TRAPPC10: variants seen among roughly 807,000 people sequenced by gnomAD.
TRAPPC10 encodes the protein TRAPP 130 kDa subunit.
Under a neutral mutation model 125.5 loss-of-function variants are expected in TRAPPC10, and 23 were observed. The ratio of observed to expected loss-of-function variants is 0.18; its 90% CI spans 0.13 to 0.26. The LOEUF (loss-of-function observed/expected upper bound fraction) is 0.26. TRAPPC10 is among the 10% of genes least tolerant of loss of function. The probability of loss-of-function intolerance (pLI) is 1.00; values close to 1 mark genes in which losing one functional copy is unlikely to be tolerated. For synonymous variants in TRAPPC10, 509 were observed against 518.0 expected (o/e 0.98, Z 0.24); for missense variants, 1,123 against 1,308.4 (o/e 0.86, Z 2.19).
intron 7 of TRAPPC10, among the ~76,000 whole-genome samples, chr21:44,069,135 CTTTATGG>C (rs956667241): frequency 6.6e-6 from 1 of 152,130 alleles, no homozygotes; most frequent in African/African-American, 2.4e-5. Flanking sequence ...GACATGAAAC[CTTTATGG>C]TTATGCACCA....
At chr21:44,048,939 T>C (rs1474806756) in intron 3 of TRAPPC10, among the ~76,000 whole-genome samples, 1 of 152,094 alleles carries the variant, frequency 6.6e-6, no homozygotes, top group African/African-American at 2.4e-5. Flanking sequence ...GTATTAATAA[T>C]TAATATCATT....
rs754466910 is a variant in TRAPPC10, at chr21:44,076,645, G to A, written c.1377+17G>A. 6.3e-6 allele frequency: 10 copies of A among 1,578,834 alleles called. No homozygotes were observed. The South Asian group carries it at 8.9e-5, about 14-fold the overall frequency. On this transcript the variant is annotated intron_variant, in intron 10 of 22. Transcript: ENST00000291574. ...CACTACTTAGTAAGTATTAACAAGT[G>A]TTCAATGTCTGTTCTGTGAATACCT... is the stretch of plus-strand genomic sequence containing the variant.
At chr21:44,089,073 T>C (rs60373018) in intron 17 of TRAPPC10, 1 of 211,042 alleles carries the variant, frequency 4.7e-6, no homozygotes, top group East Asian at 1.6e-4. Context: ...CGTGTTATCC[T>C]CTCTTCCCTG....
chr21:44,012,711 G>A, intron 1 of TRAPPC10, 151 bp downstream of exon 1: 1 of 661,914 alleles, frequency 1.5e-6, no homozygotes, highest in Non-Finnish European at 2.4e-6. Context: ...GCTGAGGCGG[G>A]GCCCTCTGAC....
At chr21:44,070,612 C>T (rs916123818) in intron 7 of TRAPPC10, among the ~76,000 whole-genome samples, 14 of 152,240 alleles carry the variant, frequency 9.2e-5, no homozygotes, top group African/African-American at 2.4e-4. Context: ...TTTTCTGTGT[C>T]GGCCACCATT....
rs933993841 is a variant in TRAPPC10, at chr21:44,037,736, C to T, written c.150-56C>T. ...CATTATTTGTTGTTCTATTTCCCCT[C>T]TTCTGATGAATGCTGTTTAGTTGTT... On this transcript the variant is annotated intron_variant, in intron 2 of 22. Transcript: ENST00000291574. The T allele has an allele frequency of 3.8e-6, 6 of 1,576,828 alleles. No homozygotes were observed. In the African/African-American group the frequency reaches 8.1e-5, roughly 21 times the overall value.
intron 7 of TRAPPC10, among the ~76,000 whole-genome samples, chr21:44,068,510 A>AGGGCAGAGAG (rs1400932327): frequency 2.3e-4 from 35 of 152,328 alleles, no homozygotes; most frequent in African/African-American, 7.9e-4. Flanking sequence ...AGTGAGGCAG[A>AGGGCAGAGAG]GGGCAGAGAG....
chr21:44,050,511 G>A (rs1031844515), intron 3 of TRAPPC10, among the ~76,000 whole-genome samples: 5 of 152,110 alleles, frequency 3.3e-5, no homozygotes, highest in Admixed American at 2.0e-4. Flanking sequence ...GGGGTCAGCC[G>A]GGTGCTATGT....
At chr21:44,088,624 C>G (rs1427712454) in intron 17 of TRAPPC10, 1 of 155,596 alleles carries the variant, frequency 6.4e-6, no homozygotes, top group Non-Finnish European at 1.4e-5. Flanking sequence ...TTTGAAGAAC[C>G]TGAGGAAGTG....
In TRAPPC10 at chr21:44,063,832, C is replaced by A; in HGVS notation, c.1038+47C>A. The A allele has an allele frequency of 6.3e-7, 1 of 1,582,018 alleles. No individual in the cohort carries two copies. The highest frequency in any genetic ancestry group is 1.2e-5 in the South Asian group (1 of 86,632). On this transcript the variant is annotated intron_variant, in intron 7 of 22. Coordinates refer to ENST00000291574, the MANE Select transcript of TRAPPC10 (RefSeq NM_003274.5). The surrounding 1 kb of genome is among the most constrained non-coding windows in gnomAD (Gnocchi z 4.4). ...TTTACCCGTTTCTTGATTGTTCCAG[C>A]AGAAATCTCTGAACCTTGAGATCCC...
intron 2 of TRAPPC10, among the ~76,000 whole-genome samples, chr21:44,032,479 T>C (rs2033666851): frequency 6.8e-6 from 1 of 146,060 alleles, no homozygotes; most frequent in Non-Finnish European, 1.5e-5. Context: ...ACCTCCTGGG[T>C]TCAAGCAATT....
rs547447049 is a variant in TRAPPC10, at chr21:44,022,139, G to A, written c.67+9579G>A. On this transcript the variant is annotated intron_variant, in intron 1 of 22. Coordinates refer to ENST00000291574, the MANE Select transcript of TRAPPC10 (RefSeq NM_003274.5). ...GTTTTTGTTTTTGAGATGGAGTTTCGCTCTTGTTGCCCAAGCTGGAGTGCA... is the reference window on the plus strand; with the variant it reads ...GTTTTTGTTTTTGAGATGGAGTTTCACTCTTGTTGCCCAAGCTGGAGTGCA... 5.4e-5 allele frequency among the ~76,000 whole-genome samples: 8 copies of A among 147,328 alleles called. No homozygotes were observed. In the East Asian group the frequency reaches 1.6e-3, roughly 29 times the overall value.
chr21:44,060,803 G>A (rs2035980408), intron 6 of TRAPPC10, among the ~76,000 whole-genome samples: 1 of 151,378 alleles, frequency 6.6e-6, no homozygotes, highest in Admixed American at 6.6e-5. Flanking sequence ...GTTTCACCAT[G>A]TTGGCCAGGC....
chr21:44,089,640 G>A (rs1569221836), intron 17 of TRAPPC10, 193 bp from the exon 18 acceptor site: 2 of 609,220 alleles, frequency 3.3e-6, no homozygotes, highest in East Asian at 3.4e-5. Context: ...TTGTCTGTAT[G>A]CATAGCTTCC....
At chr21:44,018,797 A>G (rs2032168454) in intron 1 of TRAPPC10, among the ~76,000 whole-genome samples, 1 of 151,864 alleles carries the variant, frequency 6.6e-6, no homozygotes, top group Non-Finnish European at 1.5e-5. Context: ...TGACAGTGTG[A>G]TTGTGTGGCT....
rs189897122 is a variant in TRAPPC10, at chr21:44,023,371, A to G, written c.68-8720A>G. Among the ~76,000 whole-genome samples the G allele has an allele frequency of 4.0e-3, 609 of 152,182 alleles. 6 individuals are homozygous for G. The highest frequency in any genetic ancestry group is 0.014 in the African/African-American group (584 of 41,510). ...TTTCAAAGTGAGTTGGTTCACTGGC[A>G]TCTTTCAGAGGTGATCGGTTGGCGT... On this transcript the variant is annotated intron_variant, in intron 1 of 22. Coordinates refer to ENST00000291574, the MANE Select transcript of TRAPPC10 (RefSeq NM_003274.5).
At chr21:44,031,813 T>C (rs757289208) in intron 1 of TRAPPC10, among the ~76,000 whole-genome samples, 7 of 152,222 alleles carry the variant, frequency 4.6e-5, no homozygotes, top group Non-Finnish European at 1.0e-4. Flanking sequence ...CTTTGTGTCC[T>C]TGGGGCAAGT....
intron 3 of TRAPPC10, among the ~76,000 whole-genome samples, chr21:44,047,404 C>T (rs1170587208): frequency 2.6e-5 from 4 of 152,096 alleles, no homozygotes. Context: ...TGGTCTCAAA[C>T]TCCTGGCCTC....
At chr21:44,061,503 G>A (rs908311437) in intron 6 of TRAPPC10, among the ~76,000 whole-genome samples, 2 of 152,004 alleles carry the variant, frequency 1.3e-5, no homozygotes, top group Non-Finnish European at 2.9e-5. Flanking sequence ...TCTTAACCTC[G>A]TGATTCGCCC....
Sources: allele counts gnomAD v4.1 joint callset (sites outside exome capture counted in the v4.1 genomes callset), GRCh38; gene constraint gnomAD v4.1.1; non-coding constraint Gnocchi (gnomAD v3.1); transcripts MANE v1.5; gene names NCBI Gene and HGNC (gene_info 2026-07-23, HGNC 2026-07-21).